The following GLYATL1 variants were observed in gnomAD, a reference collection of about 807,000 sequenced individuals.
GLYATL1 encodes glycine-N-acyltransferase like 1, also known as glycine N-acyltransferase-like protein 1.
In GLYATL1, 15 loss-of-function variants were observed where a neutral mutation model predicts 20.0. That is an observed-to-expected ratio of 0.75 (90% CI 0.50 to 1.15). The LOEUF (loss-of-function observed/expected upper bound fraction) is 1.15. GLYATL1 is among the 50% of genes most tolerant of loss of function. GLYATL1 has a pLI of 0.00. For missense variants in GLYATL1, 380 were observed against 368.5 expected, an observed-to-expected ratio of 1.03 and a Z score of -0.26; for synonymous variants, 151 against 131.5, an observed-to-expected ratio of 1.15 and a Z score of -1.01.
chr11:58,947,216 A>T (rs1856634342), intron 3 of GLYATL1, 51 bp downstream of exon 3: 1 of 1,579,120 alleles, frequency 6.3e-7, no homozygotes, highest in Non-Finnish European at 8.6e-7. Flanking sequence ...GTTGAGGATG[A>T]GAAAATAGCA....
At chr11:58,932,661 C>T (rs1855654766) in intron 1 of GLYATL1, among the ~76,000 whole-genome samples, 4 of 152,186 alleles carry the variant, frequency 2.6e-5, no homozygotes, top group Admixed American at 1.3e-4. Flanking sequence ...ATTTCATCAA[C>T]TACAATGAAC....
At chr11:58,922,306 T>C (rs1373844174) in intron 1 of GLYATL1, among the ~76,000 whole-genome samples, 1 of 152,216 alleles carries the variant, frequency 6.6e-6, no homozygotes, top group Non-Finnish European at 1.5e-5. Context: ...GCATTACATC[T>C]ATAAGGGCCT....
chr11:58,910,987 C>T (rs503591), downstream of GLYATL1, among the ~76,000 whole-genome samples: 1 of 151,936 alleles, frequency 6.6e-6, no homozygotes. Context: ...CACTTATCCC[C>T]TATTCACCCC....
chr11:58,947,286 G>T (rs1856639340), intron 3 of GLYATL1, 121 bp downstream of exon 3: 6 of 1,335,068 alleles, frequency 4.5e-6, no homozygotes, highest in Non-Finnish European at 6.0e-6. Context: ...GAAACAGGAT[G>T]GGACTGGGGG....
chr11:58,941,731 C>T (rs1194110328), intron 1 of GLYATL1, among the ~76,000 whole-genome samples: 2 of 152,110 alleles, frequency 1.3e-5, no homozygotes, highest in African/African-American at 2.4e-5. Flanking sequence ...AGCAGAGAGG[C>T]CAAAGAGAGT....
chr11:58,947,497 G>A, intron 3 of GLYATL1: 2 of 454,924 alleles, frequency 4.4e-6, no homozygotes, highest in Non-Finnish European at 7.9e-6. Context: ...CCCTTTCTCT[G>A]ACTTTACGTT....
At chr11:58,940,726 A>G (rs1318853173) in intron 1 of GLYATL1, among the ~76,000 whole-genome samples, 1 of 152,192 alleles carries the variant, frequency 6.6e-6, no homozygotes, top group Admixed American at 6.5e-5. Context: ...AGAGTTTGGC[A>G]CAGAAGTTTA....
At chr11:58,917,838 C>T (rs182339960) in intron 1 of GLYATL1, among the ~76,000 whole-genome samples, 4 of 152,358 alleles carry the variant, frequency 2.6e-5, no homozygotes, top group Admixed American at 2.6e-4. Flanking sequence ...GAGCACATTC[C>T]TTTCAGTCCT....
intron 3 of GLYATL1, 29 bp from the exon 4 acceptor site, chr11:58,947,829 T>C: frequency 6.8e-7 from 1 of 1,468,564 alleles, no homozygotes. Context: ...GATCTCAACC[T>C]CTCCTGGTCC....
At chr11:58,940,143 T>TTCCATGTA (rs1246964684) in intron 1 of GLYATL1, among the ~76,000 whole-genome samples, 1 of 152,156 alleles carries the variant, frequency 6.6e-6, no homozygotes, top group African/African-American at 2.4e-5. Context: ...TGGGTTGGAG[T>TTCCATGTA]TCCATGTATC....
chr11:58,933,083 A>G (rs1195860876), intron 1 of GLYATL1, among the ~76,000 whole-genome samples: 1 of 152,228 alleles, frequency 6.6e-6, no homozygotes, highest in Non-Finnish European at 1.5e-5. Context: ...GGGTAGTCAA[A>G]TGGATAATGA....
At chr11:58,923,228 T>C (rs1046893416), upstream of GLYATL1, among the ~76,000 whole-genome samples, 2 of 152,212 alleles carry the variant, frequency 1.3e-5, no homozygotes, top group Admixed American at 6.5e-5. Context: ...AACATCTCAA[T>C]GTGAGATGCA....
At chr11:58,932,175 G>T (rs1855633663) in intron 1 of GLYATL1, among the ~76,000 whole-genome samples, 1 of 141,522 alleles carries the variant, frequency 7.1e-6, no homozygotes, top group Non-Finnish European at 1.5e-5. Flanking sequence ...AAAGGAAAAA[G>T]GGTTCAATTC....
At chr11:58,905,778 G>A (rs2134635186) in intron 1 of GLYATL1, 5 of 385,712 alleles carry the variant, frequency 1.3e-5, no homozygotes, top group South Asian at 9.6e-5. Context: ...CCCTCGGCCT[G>A]GCCGTCTGAC....
chr11:58,906,838 G>A (rs1391780598), intron 1 of GLYATL1, among the ~76,000 whole-genome samples: 1 of 152,172 alleles, frequency 6.6e-6, no homozygotes, highest in African/African-American at 2.4e-5. Context: ...TGGCCACATA[G>A]ACGGTTGTTT....
At chr11:58,925,245 GA>G (rs1314711240), upstream of GLYATL1, among the ~76,000 whole-genome samples, 1 of 152,118 alleles carries the variant, frequency 6.6e-6, no homozygotes, top group African/African-American at 2.4e-5. Flanking sequence ...CTAGTTTACA[GA>G]AAAAAACTGG....
intron 1 of GLYATL1, among the ~76,000 whole-genome samples, chr11:58,918,827 G>A (rs760685779): frequency 1.3e-5 from 2 of 152,192 alleles, no homozygotes; most frequent in African/African-American, 4.8e-5. Context: ...GTGTGGAATG[G>A]TTAGCTTCTG....
At chr11:58,950,285 C>T (rs980275295) in intron 4 of GLYATL1, among the ~76,000 whole-genome samples, 58 of 150,668 alleles carry the variant, frequency 3.8e-4, no homozygotes, top group African/African-American at 1.3e-3. Flanking sequence ...GAGCGAGACT[C>T]CGTCTAAAAA....
At chr11:58,912,839 G>C (rs577672108), downstream of GLYATL1, among the ~76,000 whole-genome samples, 3 of 152,180 alleles carry the variant, frequency 2.0e-5, no homozygotes, top group Non-Finnish European at 2.9e-5. Context: ...TGGACCTTAC[G>C]TTTTAAACAG....
Sources: allele counts gnomAD v4.1 joint callset (sites outside exome capture counted in the v4.1 genomes callset), GRCh38; gene constraint gnomAD v4.1.1; transcripts MANE v1.5; gene names NCBI Gene and HGNC (gene_info 2026-07-23, HGNC 2026-07-21).